TRPM3: variants seen among roughly 807,000 people sequenced by gnomAD.
TRPM3 encodes long transient receptor potential channel 3.
Under a neutral mutation model 181.2 loss-of-function variants are expected in TRPM3, and 77 were observed. The observed-to-expected ratio is 0.42, with a 90% confidence interval of 0.35 to 0.51. TRPM3 has a LOEUF of 0.51. Among genes scored for constraint, TRPM3 ranks in the 20% least tolerant of loss-of-function variants. The pLI is 0.01. For missense variants in TRPM3, 1,759 were observed against 2,196.7 expected (o/e 0.80, Z 3.98); for synonymous variants, 745 against 796.4 (o/e 0.94, Z 1.09).
chr9:70,768,777 T>C (rs2079624174), intron 7 of TRPM3, among the ~76,000 whole-genome samples: 1 of 152,110 alleles, frequency 6.6e-6, no homozygotes. Flanking sequence ...TGGATACTAC[T>C]TTATTCCCCC....
chr9:71,310,617 G>A (rs1025631721), intron 1 of TRPM3, among the ~76,000 whole-genome samples: 1 of 152,084 alleles, frequency 6.6e-6, no homozygotes, highest in Non-Finnish European at 1.5e-5. Context: ...CACCCAAGGG[G>A]GGTGTCTTGT....
At chr9:71,285,575 A>T (rs2085214345) in intron 1 of TRPM3, among the ~76,000 whole-genome samples, 1 of 152,190 alleles carries the variant, frequency 6.6e-6, no homozygotes. Context: ...AGCACGCCCC[A>T]GTTTAACAAA....
intron 1 of TRPM3, among the ~76,000 whole-genome samples, chr9:71,087,993 G>T (rs957796126): frequency 4.6e-5 from 7 of 151,944 alleles, no homozygotes; most frequent in African/African-American, 1.7e-4. Context: ...CCCTTACATT[G>T]TTATTTATGC....
chr9:70,876,927 A>G (rs769566169), intron 1 of TRPM3, among the ~76,000 whole-genome samples: 84 of 151,858 alleles, frequency 5.5e-4, no homozygotes, highest in Non-Finnish European at 1.1e-3. Context: ...TCTCTCCACA[A>G]TTTCCCTTTG....
At chr9:70,539,477 T>G (rs1210916396) in intron 25 of TRPM3, among the ~76,000 whole-genome samples, 1 of 151,314 alleles carries the variant, frequency 6.6e-6, no homozygotes, top group Non-Finnish European at 1.5e-5. Flanking sequence ...CTTGTAATTT[T>G]TTTTTTTTTT....
chr9:71,220,940 ACT>A (rs1407175301), intron 1 of TRPM3, among the ~76,000 whole-genome samples: 2 of 151,700 alleles, frequency 1.3e-5, no homozygotes, highest in Non-Finnish European at 2.9e-5. Flanking sequence ...TGTTTTCATG[ACT>A]CTTTCTTTTG....
At chr9:71,293,647 C>T (rs913581463) in intron 1 of TRPM3, among the ~76,000 whole-genome samples, 1 of 151,632 alleles carries the variant, frequency 6.6e-6, no homozygotes, top group East Asian at 1.9e-4. Context: ...CAATCTTCTC[C>T]CCCAAATTGA....
chr9:71,186,281 A>G (rs562876651), intron 1 of TRPM3, among the ~76,000 whole-genome samples: 1 of 152,188 alleles, frequency 6.6e-6, no homozygotes, highest in African/African-American at 2.4e-5. Flanking sequence ...GCTTCAATCT[A>G]GAAACCATGT....
At chr9:71,242,645 C>T (rs1049068812) in intron 1 of TRPM3, among the ~76,000 whole-genome samples, 3 of 152,128 alleles carry the variant, frequency 2.0e-5, no homozygotes, top group Admixed American at 6.5e-5. Flanking sequence ...GTACTACTCC[C>T]ATTACTACCA....
rs1323691865 is a variant in TRPM3, at chr9:70,536,851, T to C, written c.4262A>G (p.Glu1421Gly). 5 of 1,614,052 alleles carry C rather than the reference T, an allele frequency of 3.1e-6. No homozygotes were observed. The highest frequency in any genetic ancestry group is 4.2e-6 in the Non-Finnish European group (5 of 1,180,040). Residue 1421 changes from glutamate to glycine, a missense_variant, in exon 26 of 26, where the codon GAG becomes GGG. Around this residue, in one of 8 missense-constraint regions of TRPM3, gnomAD observed 612 missense variants for 590.0 expected, o/e 1.04. Transcript: ENST00000677713. ...CAGAGGGTCTATATCACAGTGGAGCTCATCCATAGCAGAGACATAGATGTC... is the reference window on the plus strand; with the variant it reads ...CAGAGGGTCTATATCACAGTGGAGCCCATCCATAGCAGAGACATAGATGTC... Reference protein sequence around the residue: ...CIDIYVSAMDELHCDIDPLDN... With the variant: ...CIDIYVSAMDGLHCDIDPLDN...
At chr9:71,406,446 C>T (rs1226752221) in intron 1 of TRPM3, among the ~76,000 whole-genome samples, 1 of 152,124 alleles carries the variant, frequency 6.6e-6, no homozygotes, top group Non-Finnish European at 1.5e-5. Context: ...ATAAGTGTTG[C>T]CAATCTCAGT....
At chr9:70,686,157 C>T (rs1033993372) in intron 8 of TRPM3, among the ~76,000 whole-genome samples, 2 of 151,608 alleles carry the variant, frequency 1.3e-5, no homozygotes, top group African/African-American at 4.8e-5. Context: ...TATATACACA[C>T]ATACGTATGT....
intron 1 of TRPM3, among the ~76,000 whole-genome samples, chr9:70,939,427 T>C (rs767942516): frequency 2.6e-5 from 4 of 152,198 alleles, no homozygotes; most frequent in African/African-American, 9.7e-5. Context: ...ATCACTCTGA[T>C]TTCGGCAGTA....
intron 1 of TRPM3, among the ~76,000 whole-genome samples, chr9:71,216,663 T>C (rs2131827514): frequency 6.6e-6 from 1 of 152,294 alleles, no homozygotes; most frequent in African/African-American, 2.4e-5. Flanking sequence ...CCTGACATAT[T>C]CATATCTAGC....
intron 1 of TRPM3, among the ~76,000 whole-genome samples, chr9:71,011,521 A>G (rs928865928): frequency 6.6e-6 from 1 of 152,062 alleles, no homozygotes; most frequent in Non-Finnish European, 1.5e-5. Flanking sequence ...ATTTTTATCA[A>G]ACTTTTGTTA....
chr9:71,351,798 AG>A, intron 1 of TRPM3, among the ~76,000 whole-genome samples: 1 of 152,068 alleles, frequency 6.6e-6, no homozygotes, highest in Non-Finnish European at 1.5e-5. Flanking sequence ...CCAACAATAA[AG>A]GTTATGGGAG....
chr9:70,634,951 G>T (rs138625866), intron 12 of TRPM3, among the ~76,000 whole-genome samples: 3 of 152,118 alleles, frequency 2.0e-5, no homozygotes, highest in Non-Finnish European at 2.9e-5. Flanking sequence ...AAAGCCAAGA[G>T]TTCCGCTACC....
chr9:70,908,341 A>C (rs1307736001), intron 1 of TRPM3, among the ~76,000 whole-genome samples: 1 of 152,232 alleles, frequency 6.6e-6, no homozygotes, highest in Non-Finnish European at 1.5e-5. Flanking sequence ...TTCAATAGAA[A>C]GGTAGAGAGT....
chr9:70,891,699 T>C (rs900758488), intron 1 of TRPM3, among the ~76,000 whole-genome samples: 9 of 152,184 alleles, frequency 5.9e-5, no homozygotes, highest in Admixed American at 2.0e-4. Flanking sequence ...CAGCTCCTCT[T>C]GGGTTGTTGT....
Sources: gnomAD v4.1 joint callset for allele counts (sites outside exome capture counted in the v4.1 genomes callset) on GRCh38, gnomAD v4.1.1 for gene constraint, gnomAD v4.1.1 regional missense constraint, MANE v1.5 for transcripts, NCBI Gene and HGNC (gene_info 2026-07-23, HGNC 2026-07-21) for gene names.